The following FCMR variants were observed in gnomAD, a reference collection of about 807,000 sequenced individuals.
The protein encoded by FCMR is immunoglobulin mu Fc receptor.
In FCMR, 34 loss-of-function variants were observed where a neutral mutation model predicts 41.6. That is an observed-to-expected ratio of 0.82 (90% CI 0.62 to 1.09). The LOEUF is 1.09. Ranked by LOEUF, FCMR falls within the 50% of genes least tolerant of loss-of-function variation. The pLI is 0.00. For synonymous variants in FCMR, 209 were observed against 211.8 expected, an observed-to-expected ratio of 0.99 and a Z score of 0.12; for missense variants, 496 against 512.5, an observed-to-expected ratio of 0.97 and a Z score of 0.31.
rs202205956 is a variant in FCMR at position 206,904,972 on chromosome 1, T to C, written c.*47A>G. 6 of 1,606,370 alleles carry C rather than the reference T, an allele frequency of 3.7e-6. No homozygotes were observed. In the East Asian group the frequency reaches 1.3e-4, roughly 36 times the overall value. On this transcript the variant is annotated 3_prime_UTR_variant, in exon 8 of 8. Coordinates refer to ENST00000367091, the MANE Select transcript of FCMR (RefSeq NM_005449.5). ...GACATCAGCAGATAGATGAGACTCC[T>C]TGGCACCACAGTCCGAGCCTGGGGT...
At chr1:206,912,650 T>C in intron 3 of FCMR, among the ~76,000 whole-genome samples, 1 of 152,206 alleles carries the variant, frequency 6.6e-6, no homozygotes, top group South Asian at 2.1e-4. Context: ...AGCTAGATTT[T>C]GTGAGTGGAG....
intron 1 of FCMR, among the ~76,000 whole-genome samples, chr1:206,918,857 G>A (rs544661438): frequency 6.6e-6 from 1 of 152,108 alleles, no homozygotes; most frequent in Non-Finnish European, 1.5e-5. Context: ...TGCCTCATGC[G>A]CTAGGCCCTA....
At chr1:206,914,540 T>A (rs545601323) in intron 1 of FCMR, among the ~76,000 whole-genome samples, 9 of 151,122 alleles carry the variant, frequency 6.0e-5, no homozygotes, top group Non-Finnish European at 1.3e-4. Flanking sequence ...CAAGCAATCC[T>A]CCCAGCTCAG....
chr1:206,921,765 T>C (rs571381684), intron 1 of FCMR, 53 bp downstream of exon 1: 2 of 1,525,742 alleles, frequency 1.3e-6, no homozygotes, highest in East Asian at 2.3e-5. Context: ...ATTCTACTTG[T>C]GGCCAATTCA....
At chr1:206,915,052 T>A (rs1419953183) in intron 1 of FCMR, among the ~76,000 whole-genome samples, 1 of 152,236 alleles carries the variant, frequency 6.6e-6, no homozygotes, top group Non-Finnish European at 1.5e-5. Context: ...CCTTTCCAGT[T>A]TGGTTTCGCT....
At position 206,913,813 on chromosome 1, in the gene FCMR, C is replaced by G. The variant is rs753245238; in HGVS notation, c.319G>C (p.Gly107Arg). The G allele has an allele frequency of 1.7e-5, 27 of 1,614,114 alleles. No individual in the cohort carries two copies. The East Asian group carries it at 6.0e-4, about 36-fold the overall frequency. ...SDSGVYACGAGMNTDRGKTQK... is the reference protein window; with the variant it reads ...SDSGVYACGARMNTDRGKTQK... ...GTCTTTCCCCGGTCTGTGTTCATGC[C>G]CGCTCCGCAGGCATAGACTCCGCTG... Residue 107 changes from glycine to arginine, a missense_variant, in exon 2 of 8, where the codon GGC becomes CGC. Transcript: ENST00000367091.
Position 206,904,677 on chromosome 1 carries a change from A to G in FCMR, c.*342T>C. On this transcript the variant is annotated 3_prime_UTR_variant, in exon 8 of 8. Coordinates refer to ENST00000367091, the MANE Select transcript of FCMR (RefSeq NM_005449.5). ...CCCAGCCTGATGCCATGTGATCTAGAGCCTGGGCAGCAACAACCCTGTGGT... is the reference window on the plus strand; with the variant it reads ...CCCAGCCTGATGCCATGTGATCTAGGGCCTGGGCAGCAACAACCCTGTGGT... The G allele has an allele frequency of 3.3e-6, 1 of 300,890 alleles. No individual in the cohort carries two copies. The highest frequency in any genetic ancestry group is 6.5e-6 in the Non-Finnish European group (1 of 153,486). 18.6% of individuals were successfully genotyped at this position (300,890 alleles called of 1,614,324 possible). A position where few individuals can be genotyped will look rare whatever the true frequency, so the allele number is the denominator to read the frequency against.
intron 2 of FCMR, among the ~76,000 whole-genome samples, chr1:206,913,432 G>A (rs957438290): frequency 3.3e-5 from 5 of 152,150 alleles, no homozygotes; most frequent in African/African-American, 1.2e-4. Flanking sequence ...GGACAATTAC[G>A]TTGGATAGTT....
chr1:206,907,819 C>G (rs1678737347), intron 7 of FCMR: 1 of 1,400,854 alleles, frequency 7.1e-7, no homozygotes, highest in Non-Finnish European at 1.0e-6. Flanking sequence ...CCAACCCTTC[C>G]CGAGGTCCCT....
At chr1:206,912,061 A>G (rs1185008930) in intron 3 of FCMR, 109 bp from the exon 4 acceptor site, 1 of 826,478 alleles carries the variant, frequency 1.2e-6, no homozygotes, top group Non-Finnish European at 1.9e-6. Flanking sequence ...TATACAGACT[A>G]CTTCTGTTCT....
chr1:206,915,926 T>C (rs1679173358), intron 1 of FCMR, among the ~76,000 whole-genome samples: 1 of 140,106 alleles, frequency 7.1e-6, no homozygotes, highest in South Asian at 2.2e-4. Flanking sequence ...AAAGACACTC[T>C]GGGCAAAGGG....
chr1:206,913,003 G>C lies in FCMR; in HGVS notation c.413C>G (p.Thr138Ser). Residue 138 changes from threonine to serine, a missense_variant, in exon 3 of 8, where the codon ACT (threonine) becomes AGT (serine). Physicochemically the swap from Thr to Ser is moderately conservative, Grantham distance 58 (BLOSUM62 1). Coordinates refer to ENST00000367091, the MANE Select transcript of FCMR (RefSeq NM_005449.5). ...ATAGGGCAGATGAAACCATTTTGGA[G>C]TCTCAGGCATTGGCTGCTCTTCCCA... ...PSWEEQPMPE[T>S]PKWFHLPYLF... The C allele has an allele frequency of 1.2e-6, 2 of 1,613,824 alleles. No homozygotes were observed.
At position 206,913,035 on chromosome 1, in the gene FCMR, C is replaced by T; in HGVS notation, c.381G>A (p.Glu127=). ...GCATTGGCTGCTCTTCCCATGATGGCTCGTATTCTATTGGAAGGAAGAGGA... is the reference window on the plus strand; with the variant it reads ...GCATTGGCTGCTCTTCCCATGATGGTTCGTATTCTATTGGAAGGAAGAGGA... ...KVTLNVHSEY[E]PSWEEQPMPE... is the part of the protein sequence containing the mutation. Residue 127 remains glutamate, a synonymous_variant, in exon 3 of 8, where the codon GAG becomes GAA. Transcript: ENST00000367091. 6.2e-7 allele frequency: 1 copy of T among 1,610,536 alleles called. No homozygotes were observed. The highest frequency in any genetic ancestry group is 2.2e-5 in the East Asian group (1 of 44,816).
intron 1 of FCMR, chr1:206,917,724 T>C: frequency 2.3e-6 from 1 of 436,152 alleles, no homozygotes; most frequent in Non-Finnish European, 4.5e-6. Context: ...CTTCCTGGGC[T>C]CAATTGAGGC....
In FCMR at chr1:206,909,651, G is replaced by A; in HGVS notation, c.985+74C>T. 2 of 1,341,348 alleles carry A rather than the reference G, an allele frequency of 1.5e-6. No homozygotes were observed. Among genetic ancestry groups the A allele is most frequent in the Admixed American group, 4.1e-5 (1 of 24,684 alleles). The allele number at this position is 1,341,348 out of a possible 1,614,324, so 83.1% of individuals were successfully genotyped here. Reference sequence around the variant, plus strand: ...GGGAAGCCCTGGCACCTGGGAGCGCGCCCCGCTGCGCCCGGCTTTCCCGGA... The same window carrying A: ...GGGAAGCCCTGGCACCTGGGAGCGCACCCCGCTGCGCCCGGCTTTCCCGGA... On this transcript the variant is annotated intron_variant, in intron 6 of 7. Transcript: ENST00000367091. The surrounding 1 kb of genome is among the most constrained non-coding windows in gnomAD (Gnocchi z 5.0).
chr1:206,910,901 T>C (rs150650865), intron 4 of FCMR, among the ~76,000 whole-genome samples: 148 of 152,312 alleles, frequency 9.7e-4, no homozygotes, highest in Non-Finnish European at 1.8e-3. Flanking sequence ...TGTGTGTGTG[T>C]GCGCTTTGGG....
intron 1 of FCMR, among the ~76,000 whole-genome samples, chr1:206,919,063 C>T (rs1679322065): frequency 6.6e-6 from 1 of 152,140 alleles, no homozygotes; most frequent in South Asian, 2.1e-4. Flanking sequence ...GGAAAACAAC[C>T]CCAAGCTTCC....
rs760153308 is a variant in FCMR at position 206,911,874 on chromosome 1, C to T, written c.566G>A (p.Arg189Gln). ...TGCTACTGAAGATGCTCTGGACACT[C>T]GAGGGCGGTGGGTGATTTGGGTGGT... ...SPTTQITHRP[R>Q]VSRASSVAGD... Residue 189 changes from arginine to glutamine, a missense_variant, in exon 4 of 8, where the codon CGA becomes CAA. Transcript: ENST00000367091. The T allele has an allele frequency of 1.2e-5, 20 of 1,608,476 alleles. No individual in the cohort carries two copies. The highest frequency in any genetic ancestry group is 1.6e-5 in the Non-Finnish European group (19 of 1,178,214).
At chr1:206,907,107 GGGGGGGT>G (rs1678693408) in intron 7 of FCMR, among the ~76,000 whole-genome samples, 2 of 58,586 alleles carry the variant, frequency 3.4e-5, no homozygotes, top group Non-Finnish European at 1.0e-4. Flanking sequence ...GGGGGGTGGG[GGGGGGGT>G]GGGGGCGGGG....
Sources: gnomAD v4.1 joint callset for allele counts (sites outside exome capture counted in the v4.1 genomes callset) on GRCh38, gnomAD v4.1.1 for gene constraint, Gnocchi (gnomAD v3.1) non-coding constraint, MANE v1.5 for transcripts, NCBI Gene and HGNC (gene_info 2026-07-23, HGNC 2026-07-21) for gene names.